The following TOM1L1 variants were observed in gnomAD, a reference collection of about 807,000 sequenced individuals.
The protein encoded by TOM1L1 is TOM1-like protein 1.
Under a neutral mutation model 63.4 loss-of-function variants are expected in TOM1L1, and 64 were observed. The ratio of observed to expected loss-of-function variants is 1.01; its 90% CI spans 0.83 to 1.24. TOM1L1 has a LOEUF of 1.24. Among genes scored for constraint, TOM1L1 ranks in the 50% most tolerant of loss-of-function variants. TOM1L1 has a pLI of 0.00. For missense variants in TOM1L1, 536 were observed against 567.0 expected (o/e 0.95, Z 0.55); for synonymous variants, 166 against 194.4 (o/e 0.85, Z 1.22).
In TOM1L1 at chr17:54,950,116, G is replaced by A. The variant is rs2049191753; in HGVS notation, c.1360G>A (p.Val454Ile). The change falls in exon 14 of 16, where the codon GTC becomes ATC. Residue 454 changes from valine (V) to isoleucine (I), a missense_variant. Val to Ile is a conservative substitution (Grantham distance 29, BLOSUM62 3). Transcript: ENST00000575882. Reference protein sequence around the residue: ...VMEFDPLAPAVTTEAIYEEID... With the variant: ...VMEFDPLAPAITTEAIYEEID... ...GGAGTTTGATCCCTTAGCTCCTGCT[G>A]TCACTACAGAGTAAGTCATTTACAA... is the stretch of plus-strand genomic sequence containing the variant. 6.2e-7 allele frequency: 1 copy of A among 1,611,516 alleles called. No homozygotes were observed. The highest frequency in any genetic ancestry group is 8.5e-7 in the Non-Finnish European group (1 of 1,177,872).
At chr17:54,933,728 G>A (rs2048902326) in intron 8 of TOM1L1, among the ~76,000 whole-genome samples, 1 of 152,102 alleles carries the variant, frequency 6.6e-6, no homozygotes, top group Non-Finnish European at 1.5e-5. Context: ...TCACTATGTT[G>A]GCCAGGATGG....
intron 8 of TOM1L1, among the ~76,000 whole-genome samples, chr17:54,935,085 G>A (rs547536672): frequency 7.2e-5 from 11 of 152,238 alleles, no homozygotes; most frequent in South Asian, 4.1e-4. Context: ...ATTCTGTCAC[G>A]CGTGAAGAGA....
At chr17:54,923,347 G>A (rs2048714065) in intron 7 of TOM1L1, among the ~76,000 whole-genome samples, 3 of 151,664 alleles carry the variant, frequency 2.0e-5, no homozygotes, top group Non-Finnish European at 4.4e-5. Flanking sequence ...TTCTGTTAGC[G>A]GTATGCAGTA....
chr17:54,946,133 T>A (rs2049114636), intron 11 of TOM1L1, among the ~76,000 whole-genome samples: 1 of 152,222 alleles, frequency 6.6e-6, no homozygotes, highest in Non-Finnish European at 1.5e-5. Flanking sequence ...TTCAAATATG[T>A]CTCATGTATG....
chr17:54,927,498 C>T (rs577055296), intron 7 of TOM1L1, among the ~76,000 whole-genome samples: 1 of 152,282 alleles, frequency 6.6e-6, no homozygotes, highest in Non-Finnish European at 1.5e-5. Flanking sequence ...AGAGGAAGCT[C>T]TTAATGAGCT....
intron 2 of TOM1L1, among the ~76,000 whole-genome samples, chr17:54,904,702 GCAAACTGGTTTGCTTGTAGT>G (rs1372845508): frequency 6.6e-6 from 1 of 152,214 alleles, no homozygotes; most frequent in East Asian, 1.9e-4. Flanking sequence ...ATTAAGAAGA[GCAAACTGGTTTGCTTGTAGT>G]CAATTACAAG....
rs961440449 is a variant in TOM1L1 at position 54,961,942 on chromosome 17, T to A, written c.*709T>A. ...AGTTGTACATTTGATGACAAATAAA[T>A]CACTATTAAAACAATTTAATACTTT... On this transcript the variant is annotated 3_prime_UTR_variant, in exon 16 of 16. Coordinates refer to ENST00000575882, the MANE Select transcript of TOM1L1 (RefSeq NM_005486.3). 3.3e-6 allele frequency: 3 copies of A among 897,102 alleles called. No individual in the cohort carries two copies. Among genetic ancestry groups the A allele is most frequent in the Non-Finnish European group, 4.0e-6 (3 of 750,470 alleles). 55.6% of individuals were successfully genotyped at this position (897,102 alleles called of 1,614,324 possible).
chr17:54,952,805 C>G (rs2049303508), intron 14 of TOM1L1: 1 of 152,234 alleles, frequency 6.6e-6, no homozygotes. Context: ...GAACTAGGGC[C>G]AGCATGGCAG....
intron 3 of TOM1L1, among the ~76,000 whole-genome samples, chr17:54,906,031 G>A (rs2048402925): frequency 6.6e-6 from 1 of 152,090 alleles, no homozygotes; most frequent in South Asian, 2.1e-4. Context: ...TTAGCCAGAT[G>A]TGGTGGCCTG....
intron 14 of TOM1L1, chr17:54,953,427 G>T (rs1157373924): frequency 6.6e-6 from 1 of 152,360 alleles, no homozygotes; most frequent in East Asian, 1.9e-4. Flanking sequence ...GGGCTCCTTG[G>T]GGGAGATGTG....
chr17:54,905,370 A>G, intron 2 of TOM1L1, 119 bp from the exon 3 acceptor site: 1 of 678,320 alleles, frequency 1.5e-6, no homozygotes, highest in Non-Finnish European at 2.6e-6. Context: ...CAGTAGAACC[A>G]AGGCCTTAGT....
intron 14 of TOM1L1, among the ~76,000 whole-genome samples, chr17:54,951,326 T>A (rs969900843): frequency 2.6e-5 from 4 of 152,228 alleles, no homozygotes; most frequent in African/African-American, 9.6e-5. Context: ...CCTCCACGTG[T>A]TCAGCTATCC....
chr17:54,960,994 G>A (rs982268678), intron 15 of TOM1L1: 1 of 556,506 alleles, frequency 1.8e-6, no homozygotes, highest in Non-Finnish European at 3.2e-6. Context: ...CTCCAAATAG[G>A]TCTGAATTTT....
chr17:54,930,289 A>G (rs2048837483), intron 8 of TOM1L1, 83 bp downstream of exon 8: 2 of 1,570,072 alleles, frequency 1.3e-6, no homozygotes, highest in African/African-American at 2.7e-5. Context: ...CAGAGTGCCT[A>G]CAAGTGACCC....
chr17:54,951,023 A>T (rs928880315), intron 14 of TOM1L1, among the ~76,000 whole-genome samples: 1 of 152,036 alleles, frequency 6.6e-6, no homozygotes, highest in Non-Finnish European at 1.5e-5. Context: ...GTCAGACCCC[A>T]CAGGTTGAGA....
rs60173487 is a variant in TOM1L1 at position 54,934,713 on chromosome 17, A to AT, written c.855-1921dup. On this transcript the variant is annotated intron_variant, in intron 8 of 15. Transcript: ENST00000575882. ...AGAAGCTAGTGCTATAACTAGATGG[A>AT]TTTTTTTTTTTTTTTCTTTTTTGAG... Among the ~76,000 whole-genome samples, 912 of 147,476 alleles carry AT rather than the reference A, an allele frequency of 6.2e-3. 3 individuals are homozygous for AT. The highest frequency in any genetic ancestry group is 9.4e-3 in the Non-Finnish European group (625 of 66,616).
chr17:54,954,670 G>A (rs1598073206), intron 14 of TOM1L1: 1 of 152,230 alleles, frequency 6.6e-6, no homozygotes, highest in Non-Finnish European at 1.5e-5. Flanking sequence ...TCTTGGAGGG[G>A]GTAGTAAAGG....
In TOM1L1 at chr17:54,930,056, T is replaced by C; in HGVS notation, c.721-17T>C. The C allele has an allele frequency of 6.2e-7, 1 of 1,613,870 alleles. No homozygotes were observed. Among genetic ancestry groups the C allele is most frequent in the South Asian group, 1.1e-5 (1 of 91,056 alleles). On this transcript the variant is annotated splice_polypyrimidine_tract_variant and intron_variant, in intron 7 of 15. Transcript: ENST00000575882. ...TTCCAAGTGTGGAAGAAGAAATCTC[T>C]CTCCTTTCTTTGACAGAAACTCTAT... is the stretch of plus-strand genomic sequence containing the variant.
rs772684248 is a variant in TOM1L1 at position 54,912,832 on chromosome 17, C to T, written c.372+17C>T. 6.5e-7 allele frequency: 1 copy of T among 1,532,738 alleles called. No individual in the cohort carries two copies. The highest frequency in any genetic ancestry group is 1.3e-5 in the South Asian group (1 of 76,540). The allele number at this position is 1,532,738 out of a possible 1,614,324, so 94.9% of individuals were successfully genotyped here. The stretch of plus-strand genomic sequence containing the variant: ...TTCATTAAGGTAAGTCTGTTGTATA[C>T]CTCATGGGATGGTAAATTTCTAAGA... On this transcript the variant is annotated intron_variant, in intron 4 of 15. Coordinates refer to ENST00000575882, the MANE Select transcript of TOM1L1 (RefSeq NM_005486.3).
Sources: allele counts gnomAD v4.1 joint callset (sites outside exome capture counted in the v4.1 genomes callset), GRCh38; gene constraint gnomAD v4.1.1; transcripts MANE v1.5; gene names NCBI Gene and HGNC (gene_info 2026-07-23, HGNC 2026-07-21).